PKD1: variants seen among roughly 807,000 people sequenced by gnomAD.
PKD1 encodes polycystin 1, transient receptor potential channel interacting, also known as polycystin-1.
Under a neutral mutation model 361.7 loss-of-function variants are expected in PKD1, and 81 were observed. That is an observed-to-expected ratio of 0.22 (90% confidence interval 0.19 to 0.27). The LOEUF (loss-of-function observed/expected upper bound fraction) is 0.27. Among genes scored for constraint, PKD1 ranks in the 10% least tolerant of loss-of-function variants. The pLI, the probability that PKD1 is intolerant of heterozygous loss-of-function variation, is 1.00. For synonymous variants in PKD1, 3,615 were observed against 2,818.3 expected, an observed-to-expected ratio of 1.28 and a Z score of -8.95; for missense variants, 6,399 against 6,118.3, an observed-to-expected ratio of 1.05 and a Z score of -1.53.
intron 1 of PKD1, among the ~76,000 whole-genome samples, chr16:2,124,511 A>G (rs1278455233): frequency 1.3e-5 from 2 of 152,206 alleles, no homozygotes; most frequent in Non-Finnish European, 2.9e-5. Context: ...GGAATGCAAC[A>G]GTGGGACTGA....
rs773881213 is a variant in PKD1, at chr16:2,107,865, G to A, written c.7065+18C>T. The A allele has an allele frequency of 6.5e-6, 10 of 1,541,864 alleles. No individual in the cohort carries two copies. Among genetic ancestry groups the A allele is most frequent in the African/African-American group, 1.4e-5 (1 of 72,954 alleles). ...TGGGCTGTCCAAGGCAAGTGGCCGAGGGGCGGGCGGCACCCACCGTCTGGT... is the reference window on the plus strand; with the variant it reads ...TGGGCTGTCCAAGGCAAGTGGCCGAAGGGCGGGCGGCACCCACCGTCTGGT... On this transcript the variant is annotated intron_variant, in intron 16 of 45. Transcript: ENST00000262304.
intron 22 of PKD1, among the ~76,000 whole-genome samples, chr16:2,104,218 A>AAAGGGAGGGGAAGGGGGAAAG (rs2092235501): frequency 5.4e-5 from 1 of 18,568 alleles, no homozygotes; most frequent in African/African-American, 3.9e-4. Context: ...GGGAAGGGGG[A>AAAGGGAGGGGAAGGGGGAAAG]TGAGGGGGAT....
At chr16:2,128,596 G>C (rs760342940) in intron 1 of PKD1, among the ~76,000 whole-genome samples, 1 of 152,230 alleles carries the variant, frequency 6.6e-6, no homozygotes, top group Non-Finnish European at 1.5e-5. Context: ...AATGAGACCA[G>C]GAGTGGCTGC....
At position 2,110,208 on chromosome 16, in the gene PKD1, C is replaced by T. The variant is rs1197163225; in HGVS notation, c.4959G>A (p.Gln1653=). Residue 1653 remains glutamine (Q), a synonymous_variant, in exon 15 of 46, where the codon CAG becomes CAA. Coordinates refer to ENST00000262304, the MANE Select transcript of PKD1 (RefSeq NM_001009944.3). ...YFPTNHTVQL[Q]AVVRDGTNVS... The stretch of plus-strand genomic sequence containing the variant: ...CGTTGGTGCCATCCCTAACCACGGC[C>T]TGCAGCTGTACCGTGTGGTTGGTGG... 8.1e-6 allele frequency: 13 copies of T among 1,611,834 alleles called. No individual in the cohort carries two copies. The highest frequency in any genetic ancestry group is 6.6e-5 in the South Asian group (6 of 91,028).
At position 2,106,555 on chromosome 16, in the gene PKD1, G is replaced by A. The variant is rs1192719896; in HGVS notation, c.7332C>T (p.Tyr2444=). 3 of 1,596,712 alleles carry A rather than the reference G, an allele frequency of 1.9e-6. No individual in the cohort carries two copies. Among genetic ancestry groups the A allele is most frequent in the African/African-American group, 2.7e-5 (2 of 74,930 alleles). Residue 2444 remains tyrosine, a synonymous_variant, in exon 18 of 46, where the codon TAC becomes TAT. Transcript: ENST00000262304. The surrounding 1 kb of genome is among the most constrained non-coding windows in gnomAD (Gnocchi z 6.5). ...RRGVLRDGEG[Y]TFTLTVLGRS... ...GGCCCAGCACCGTGAGCGTGAAGGT[G>A]TATCCCTCGCCGTCCCGCAGCACGC...
chr16:2,102,311 A>T, intron 25 of PKD1, 55 bp from the exon 26 acceptor site: 1 of 1,491,960 alleles, frequency 6.7e-7, no homozygotes, highest in East Asian at 2.4e-5. Flanking sequence ...GTGCCTTCTC[A>T]GGATAGAGCC....
chr16:2,116,042 C>T lies in PKD1; in HGVS notation c.1799G>A (p.Arg600Gln), dbSNP rs572116802. The T allele has an allele frequency of 8.2e-5, 126 of 1,537,256 alleles. No homozygotes were observed. The highest frequency in any genetic ancestry group is 2.2e-4 in the Admixed American group (11 of 51,006). ...CTGCAGCCGCAGCTGGGCGGGCCGC[C>T]GGAGCTCCTGGGTCCCAAATTCGGC... ...TTAEFGTQEL[R>Q]RPAQLRLQVY... The change falls in exon 9 of 46, where the codon CGG becomes CAG. Residue 600 changes from arginine to glutamine, a missense_variant. By Grantham distance (43) the Arg-to-Gln change is conservative. Coordinates refer to ENST00000262304, the MANE Select transcript of PKD1 (RefSeq NM_001009944.3).
Position 2,106,548 on chromosome 16 carries a change from T to C in PKD1, c.7339A>G (p.Thr2447Ala). Residue 2447 changes from threonine (T) to alanine (A), a missense_variant, in exon 18 of 46, where the codon ACG (threonine) becomes GCG (alanine). Thr to Ala is a moderately conservative substitution (Grantham distance 58). Transcript: ENST00000262304. The surrounding 1 kb of genome is among the most constrained non-coding windows in gnomAD (Gnocchi z 6.5). ...VLRDGEGYTF[T>A]LTVLGRSGEE... is the part of the protein sequence containing the mutation. The stretch of plus-strand genomic sequence containing the variant: ...CCAGAGCGGCCCAGCACCGTGAGCG[T>C]GAAGGTGTATCCCTCGCCGTCCCGC... The C allele has an allele frequency of 1.3e-6, 2 of 1,596,594 alleles. No homozygotes were observed. The highest frequency in any genetic ancestry group is 1.7e-6 in the Non-Finnish European group (2 of 1,179,128).
chr16:2,129,199 G>T (rs550547705), intron 1 of PKD1, among the ~76,000 whole-genome samples: 1 of 139,882 alleles, frequency 7.1e-6, no homozygotes, highest in Admixed American at 7.4e-5. Context: ...TTTCCTAGTC[G>T]CCCAGGCTGG....
chr16:2,127,083 G>A (rs915335347), intron 1 of PKD1, among the ~76,000 whole-genome samples: 22 of 152,158 alleles, frequency 1.4e-4, no homozygotes, highest in Admixed American at 1.1e-3. Context: ...GGGGGACGTC[G>A]AGGCTCAGGC....
intron 1 of PKD1, among the ~76,000 whole-genome samples, chr16:2,123,736 G>C (rs926998236): frequency 3.3e-5 from 5 of 152,164 alleles, no homozygotes; most frequent in African/African-American, 1.2e-4. Flanking sequence ...ACAGAGCAGA[G>C]TGCAGGGTCC....
intron 13 of PKD1, 39 bp from the exon 14 acceptor site, chr16:2,112,512 G>C: frequency 1.9e-6 from 3 of 1,571,866 alleles, no homozygotes; most frequent in Non-Finnish European, 2.6e-6. Flanking sequence ...AACCGGGACA[G>C]GGGTGGGCGG....
rs374108045 is a variant in PKD1 at position 2,088,857 on chromosome 16, C to T, written c.*870G>A. On this transcript the variant is annotated 3_prime_UTR_variant, in exon 46 of 46. Coordinates refer to ENST00000262304, the MANE Select transcript of PKD1 (RefSeq NM_001009944.3). ...GGGCCTTGAGGCTGCCTGGGCCATA[C>T]AGCACACTCGCGCGTGCGCGCGCGC... The T allele has an allele frequency of 8.8e-6, 5 of 567,446 alleles. No homozygotes were observed. The highest frequency in any genetic ancestry group is 2.0e-5 in the African/African-American group (1 of 50,204). 35.2% of individuals were successfully genotyped at this position (567,446 alleles called of 1,614,324 possible). A position where few individuals can be genotyped will look rare whatever the true frequency, so the allele number is the denominator to read the frequency against.
rs1380542433 is a variant in PKD1, at chr16:2,109,647, A to G, written c.5520T>C (p.Ala1840=). The G allele has an allele frequency of 1.3e-6, 2 of 1,594,934 alleles. No homozygotes were observed. The highest frequency in any genetic ancestry group is 8.5e-7 in the Non-Finnish European group (1 of 1,171,470). The change falls in exon 15 of 46, where the codon GCT becomes GCC. Residue 1840 remains alanine (A), a synonymous_variant. Transcript: ENST00000262304. ...CACGCTTGCTGCTGCCGCCGGGCACAGCCCAGCACCAGCTCACATTGGTGC... is the reference window on the plus strand; with the variant it reads ...CACGCTTGCTGCTGCCGCCGGGCACGGCCCAGCACCAGCTCACATTGGTGC... ...ATGTNVSWCW[A]VPGGSSKRGP...
chr16:2,088,859 G>A lies in PKD1; in HGVS notation c.*868C>T, dbSNP rs1012190291. 1.4e-5 allele frequency: 8 copies of A among 553,458 alleles called. No homozygotes were observed. Among genetic ancestry groups the A allele is most frequent in the South Asian group, 1.2e-4 (6 of 49,258 alleles). 34.3% of individuals were successfully genotyped at this position (553,458 alleles called of 1,614,324 possible). A position where few individuals can be genotyped will look rare whatever the true frequency, so the allele number is the denominator to read the frequency against. On this transcript the variant is annotated 3_prime_UTR_variant, in exon 46 of 46. Coordinates refer to ENST00000262304, the MANE Select transcript of PKD1 (RefSeq NM_001009944.3). ...GCCTTGAGGCTGCCTGGGCCATACA[G>A]CACACTCGCGCGTGCGCGCGCGCAC...
Position 2,097,335 on chromosome 16 carries a change from T to C in PKD1, c.10389A>G (p.Lys3463=), listed in dbSNP as rs532844048. 8.7e-6 allele frequency: 14 copies of C among 1,612,728 alleles called. No individual in the cohort carries two copies. Among genetic ancestry groups the C allele is most frequent in the Non-Finnish European group, 1.1e-5 (13 of 1,179,984 alleles). The part of the protein sequence containing the change: ...FSLASPYSPA[K]SFSASDEDLI... ...CCAGCTCACCTGATGCTGAGAAGGA[T>C]TTGGCAGGCGAGTAGGGGCTGGCCA... Residue 3463 remains lysine (K), a synonymous_variant, in exon 33 of 46, where the codon AAA becomes AAG. Coordinates refer to ENST00000262304, the MANE Select transcript of PKD1 (RefSeq NM_001009944.3).
At chr16:2,121,513 T>C (rs1408381624) in intron 1 of PKD1, among the ~76,000 whole-genome samples, 3 of 151,996 alleles carry the variant, frequency 2.0e-5, no homozygotes, top group African/African-American at 7.3e-5. Context: ...CCCATGTCAG[T>C]AGTCAGTGAA....
chr16:2,135,011 CCTT>C, intron 1 of PKD1: 6 of 697,424 alleles, frequency 8.6e-6, no homozygotes, highest in Non-Finnish European at 1.1e-5. Flanking sequence ...CGTTCACCCC[CCTT>C]CTTCTGGACC....
chr16:2,105,683 G>A (rs1239628015), intron 20 of PKD1, 182 bp downstream of exon 20: 53 of 1,324,968 alleles, frequency 4.0e-5, no homozygotes, highest in African/African-American at 5.9e-5. Context: ...GAAAGCAGAC[G>A]CCGGAGAGGG....
Sources: gnomAD v4.1 joint callset for allele counts (sites outside exome capture counted in the v4.1 genomes callset) on GRCh38, gnomAD v4.1.1 for gene constraint, Gnocchi (gnomAD v3.1) non-coding constraint, MANE v1.5 for transcripts, NCBI Gene and HGNC (gene_info 2026-07-23, HGNC 2026-07-21) for gene names.